SMOC2: variants seen among roughly 807,000 people sequenced by gnomAD.
SMOC2 encodes SPARC-related modular calcium-binding protein 2.
A neutral mutation model predicts 61.4 loss-of-function variants in SMOC2; 39 were observed. That is an observed-to-expected ratio of 0.64 (90% CI 0.49 to 0.83). The LOEUF (loss-of-function observed/expected upper bound fraction) is 0.83. Ranked by LOEUF, SMOC2 falls within the 40% of genes least tolerant of loss-of-function variation. The pLI, the probability that SMOC2 is intolerant of heterozygous loss-of-function variation, is 0.00. For missense variants in SMOC2, 556 were observed against 592.9 expected (o/e 0.94, Z 0.65); for synonymous variants, 247 against 239.9 (o/e 1.03, Z -0.27).
intron 7 of SMOC2, among the ~76,000 whole-genome samples, chr6:168,581,689 G>A (rs1784922819): frequency 2.0e-5 from 3 of 152,216 alleles, no homozygotes; most frequent in Non-Finnish European, 2.9e-5. Flanking sequence ...GGATGCACCT[G>A]TAGACACACA....
rs1786885849 is a variant in SMOC2 at position 168,641,333 on chromosome 6, A to G, written c.908-9348A>G. Among the ~76,000 whole-genome samples the G allele has an allele frequency of 2.6e-5, 4 of 152,274 alleles. No individual in the cohort carries two copies. The South Asian group carries it at 8.3e-4, about 32-fold the overall frequency. On this transcript the variant is annotated intron_variant, in intron 9 of 12. Transcript: ENST00000356284. The stretch of plus-strand genomic sequence containing the variant: ...CCTGAAGAAATCCCACACACTCTAC[A>G]GCACTGACGTCAACCTTACCTGTAT...
chr6:168,663,161 A>G (rs941839139), intron 11 of SMOC2, among the ~76,000 whole-genome samples: 1 of 152,100 alleles, frequency 6.6e-6, no homozygotes, highest in African/African-American at 2.4e-5. Context: ...TGAAGATAGG[A>G]AAGGGATGAG....
At chr6:168,507,449 G>A (rs762774881) in intron 1 of SMOC2, among the ~76,000 whole-genome samples, 3 of 152,196 alleles carry the variant, frequency 2.0e-5, no homozygotes, top group East Asian at 1.9e-4. Context: ...CTGCGAGAAC[G>A]AGGCTGCTGA....
intron 4 of SMOC2, among the ~76,000 whole-genome samples, chr6:168,536,165 C>A (rs1267822259): frequency 6.6e-6 from 1 of 152,184 alleles, no homozygotes; most frequent in Non-Finnish European, 1.5e-5. Flanking sequence ...ACACTCCAAG[C>A]CCTGGGTTGA....
chr6:168,645,829 G>C lies in SMOC2; in HGVS notation c.908-4852G>C, dbSNP rs1407169488. 5.9e-5 allele frequency among the ~76,000 whole-genome samples: 9 copies of C among 152,258 alleles called. No individual in the cohort carries two copies. In the East Asian group the frequency reaches 1.7e-3, roughly 29 times the overall value. Reference sequence around the variant, plus strand: ...TCCCCCTCACATCAGGCCAGCAAAGGCATTCCCGGGGTCCCTGGCTGGCGA... The same window carrying C: ...TCCCCCTCACATCAGGCCAGCAAAGCCATTCCCGGGGTCCCTGGCTGGCGA... On this transcript the variant is annotated intron_variant, in intron 9 of 12. Coordinates refer to ENST00000356284, the MANE Select transcript of SMOC2 (RefSeq NM_001166412.2).
intron 7 of SMOC2, among the ~76,000 whole-genome samples, chr6:168,571,063 A>G (rs1316432194): frequency 1.3e-5 from 2 of 152,172 alleles, no homozygotes; most frequent in Non-Finnish European, 2.9e-5. Context: ...ACAGTGGCGC[A>G]TGGCCTGACC....
intron 2 of SMOC2, among the ~76,000 whole-genome samples, chr6:168,516,526 G>A (rs962803290): frequency 6.6e-6 from 1 of 152,124 alleles, no homozygotes; most frequent in African/African-American, 2.4e-5. Flanking sequence ...TGGTGACAAA[G>A]GCTCTAACTT....
At chr6:168,610,266 A>T (rs575397838) in intron 9 of SMOC2, among the ~76,000 whole-genome samples, 34 of 152,294 alleles carry the variant, frequency 2.2e-4, no homozygotes, top group Admixed American at 1.8e-3. Context: ...CACACCTCAG[A>T]CGAAAACCAG....
intron 9 of SMOC2, among the ~76,000 whole-genome samples, chr6:168,611,833 C>T (rs562283870): frequency 6.6e-6 from 1 of 152,238 alleles, no homozygotes; most frequent in Non-Finnish European, 1.5e-5. Flanking sequence ...CCTGTGCCTC[C>T]CACACATCCT....
intron 2 of SMOC2, among the ~76,000 whole-genome samples, chr6:168,516,376 C>CGA (rs199642857): frequency 7.5e-6 from 1 of 134,090 alleles, no homozygotes; most frequent in African/African-American, 2.7e-5. Context: ...ATAGAAAAGC[C>CGA]AAAAAAAAAA....
chr6:168,494,747 A>C (rs9364459), intron 1 of SMOC2, among the ~76,000 whole-genome samples: 1 of 152,034 alleles, frequency 6.6e-6, no homozygotes, highest in African/African-American at 2.4e-5. Context: ...GTGAGAGTGA[A>C]CCCTCGGCTG....
chr6:168,480,093 A>G (rs981657451), intron 1 of SMOC2, among the ~76,000 whole-genome samples: 5 of 152,174 alleles, frequency 3.3e-5, no homozygotes, highest in African/African-American at 7.2e-5. Context: ...AAAAATATAT[A>G]CATATATTTT....
intron 1 of SMOC2, among the ~76,000 whole-genome samples, chr6:168,445,836 C>T (rs551146357): frequency 6.6e-6 from 1 of 152,334 alleles, no homozygotes; most frequent in East Asian, 1.9e-4. Flanking sequence ...GCTGTGAAAT[C>T]AAGACCGTAA....
intron 2 of SMOC2, among the ~76,000 whole-genome samples, chr6:168,517,123 C>T (rs1232075141): frequency 5.3e-5 from 8 of 152,190 alleles, no homozygotes; most frequent in African/African-American, 9.6e-5. Flanking sequence ...CGTGACAAGG[C>T]GTTTCGTGTC....
At position 168,477,710 on chromosome 6, in the gene SMOC2, G is replaced by A. The variant is rs1461356880; in HGVS notation, c.85-32205G>A. 2.0e-5 allele frequency among the ~76,000 whole-genome samples: 3 copies of A among 152,264 alleles called. No individual in the cohort carries two copies. In the East Asian group the frequency reaches 5.8e-4, roughly 29 times the overall value. On this transcript the variant is annotated intron_variant, in intron 1 of 12. Transcript: ENST00000356284. ...TGTGTGTGTGTTGGGGCGGTGGGTT[G>A]TAGGGGGAGTCAGAACAGGAGGTGG...
chr6:168,569,073 A>G (rs980063700), intron 7 of SMOC2, among the ~76,000 whole-genome samples: 1 of 152,226 alleles, frequency 6.6e-6, no homozygotes, highest in African/African-American at 2.4e-5. Flanking sequence ...AACTAAGAAC[A>G]CGATTGGTGG....
chr6:168,530,713 A>AC (rs1477738721), intron 4 of SMOC2, among the ~76,000 whole-genome samples: 1 of 141,914 alleles, frequency 7.0e-6, no homozygotes, highest in Non-Finnish European at 1.5e-5. Context: ...GCTGGTGAGG[A>AC]CAGAGCTGCG....
intron 1 of SMOC2, among the ~76,000 whole-genome samples, chr6:168,501,067 C>G (rs969740198): frequency 4.7e-4 from 72 of 152,236 alleles, no homozygotes; most frequent in African/African-American, 1.7e-3. Flanking sequence ...ACTTCTGACC[C>G]CTAAGAATCG....
intron 8 of SMOC2, among the ~76,000 whole-genome samples, chr6:168,599,595 ATACCCC>A (rs1462330977): frequency 2.4e-4 from 23 of 95,068 alleles, no homozygotes; most frequent in South Asian, 3.9e-4. Flanking sequence ...ACACCCACAC[ATACCCC>A]CACACACCCA....
Sources: gnomAD v4.1 joint callset for allele counts (sites outside exome capture counted in the v4.1 genomes callset) on GRCh38, gnomAD v4.1.1 for gene constraint, MANE v1.5 for transcripts, NCBI Gene and HGNC (gene_info 2026-07-23, HGNC 2026-07-21) for gene names.